GNPTAB: variants seen among roughly 807,000 people sequenced by gnomAD.
The protein encoded by GNPTAB is N-acetylglucosamine-1-phosphate transferase subunits alpha and beta, also known as N-acetylglucosamine-1-phosphotransferase subunits alpha/beta.
In GNPTAB, 92 loss-of-function variants were observed where a neutral mutation model predicts 136.6. The ratio of observed to expected loss-of-function variants is 0.67; its 90% CI spans 0.57 to 0.80. The LOEUF (loss-of-function observed/expected upper bound fraction) is 0.80, where lower values mean the gene tolerates loss of function less well. Among genes scored for constraint, GNPTAB ranks in the 30% least tolerant of loss-of-function variants. GNPTAB has a pLI of 0.00. For synonymous variants in GNPTAB, 512 were observed against 535.1 expected (o/e 0.96, Z 0.60); for missense variants, 1,343 against 1,501.8 (o/e 0.89, Z 1.75).
intron 1 of GNPTAB, among the ~76,000 whole-genome samples, chr12:101,810,134 C>G (rs1380427886): frequency 2.0e-5 from 3 of 151,936 alleles, no homozygotes; most frequent in Non-Finnish European, 4.4e-5. Flanking sequence ...GTACACCCAG[C>G]TACTTGGGAG....
chr12:101,808,521 G>A lies in GNPTAB; in HGVS notation c.118-11759C>T, dbSNP rs375717052. 1.9e-3 allele frequency among the ~76,000 whole-genome samples: 296 copies of A among 152,144 alleles called. 6 individuals carry two copies. The highest frequency in any genetic ancestry group is 6.9e-3 in the African/African-American group (286 of 41,514). On this transcript the variant is annotated intron_variant, in intron 1 of 20. Coordinates refer to ENST00000299314, the MANE Select transcript of GNPTAB (RefSeq NM_024312.5). ...CACGCCACTGCACTCCAGCCTGGAT[G>A]ACAGAGCAAGACTCCGTCTCCAAAA...
intron 1 of GNPTAB, among the ~76,000 whole-genome samples, chr12:101,802,154 T>C (rs1332900766): frequency 7.2e-6 from 1 of 138,070 alleles, no homozygotes; most frequent in African/African-American, 2.8e-5. Flanking sequence ...GCCATGATTG[T>C]ACCAGTACAC....
At chr12:101,809,930 T>C (rs1009828500) in intron 1 of GNPTAB, among the ~76,000 whole-genome samples, 2 of 152,186 alleles carry the variant, frequency 1.3e-5, no homozygotes, top group Non-Finnish European at 2.9e-5. Flanking sequence ...ATAAAAAATC[T>C]ATCAATATTG....
intron 7 of GNPTAB, among the ~76,000 whole-genome samples, chr12:101,776,351 G>A (rs1470152511): frequency 6.6e-6 from 1 of 152,176 alleles, no homozygotes; most frequent in Non-Finnish European, 1.5e-5. Flanking sequence ...GCTGAATTCT[G>A]TGTCCGTCAT....
intron 1 of GNPTAB, among the ~76,000 whole-genome samples, chr12:101,804,320 G>A (rs1353348937): frequency 6.6e-6 from 1 of 151,406 alleles, no homozygotes; most frequent in Admixed American, 6.6e-5. Flanking sequence ...ATCACACTTG[G>A]CTAAAAGGAA....
At chr12:101,754,319 C>G (rs148721778) in intron 18 of GNPTAB, among the ~76,000 whole-genome samples, 3 of 151,824 alleles carry the variant, frequency 2.0e-5, no homozygotes, top group Admixed American at 6.6e-5. Flanking sequence ...CCCAGCTACT[C>G]GAGAGGCTGA....
At chr12:101,822,684 C>T (rs1327848586) in intron 1 of GNPTAB, among the ~76,000 whole-genome samples, 1 of 152,180 alleles carries the variant, frequency 6.6e-6, no homozygotes, top group Non-Finnish European at 1.5e-5. Context: ...GGAACTTAGG[C>T]TTTAAGTTCT....
At chr12:101,820,742 A>G (rs1870748595) in intron 1 of GNPTAB, among the ~76,000 whole-genome samples, 1 of 152,122 alleles carries the variant, frequency 6.6e-6, no homozygotes, top group South Asian at 2.1e-4. Flanking sequence ...TCTACGGTTG[A>G]ACTCAAACAG....
chr12:101,753,039 G>A (rs1268587856), intron 19 of GNPTAB, among the ~76,000 whole-genome samples: 1 of 152,082 alleles, frequency 6.6e-6, no homozygotes, highest in Non-Finnish European at 1.5e-5. Context: ...GATCACCTGA[G>A]GTCAGGAGTT....
chr12:101,751,241 G>C (rs948626738), intron 19 of GNPTAB, among the ~76,000 whole-genome samples: 7 of 152,266 alleles, frequency 4.6e-5, no homozygotes, highest in African/African-American at 1.7e-4. Context: ...TTCTTACATG[G>C]AAGTGTCATT....
At chr12:101,794,094 T>C (rs1869144747) in intron 2 of GNPTAB, among the ~76,000 whole-genome samples, 1 of 152,264 alleles carries the variant, frequency 6.6e-6, no homozygotes, top group African/African-American at 2.4e-5. Flanking sequence ...GTGCCCACCT[T>C]GGCCTCCCAA....
intron 13 of GNPTAB, among the ~76,000 whole-genome samples, chr12:101,762,352 T>C (rs1242295094): frequency 1.3e-5 from 2 of 152,234 alleles, no homozygotes; most frequent in Non-Finnish European, 2.9e-5. Context: ...AGGAGACTGA[T>C]ATTAACTGGT....
intron 5 of GNPTAB, among the ~76,000 whole-genome samples, chr12:101,781,169 TG>T (rs1304036831): frequency 6.6e-6 from 1 of 152,110 alleles, no homozygotes; most frequent in African/African-American, 2.4e-5. Context: ...CAGTAGGGAT[TG>T]GGGGTGACAC....
chr12:101,814,280 C>T (rs1442202456), intron 1 of GNPTAB, among the ~76,000 whole-genome samples: 3 of 151,286 alleles, frequency 2.0e-5, no homozygotes, highest in East Asian at 1.9e-4. Flanking sequence ...GCCTGGGCAA[C>T]GAGACTAAAA....
At chr12:101,797,925 C>T (rs1869391214) in intron 1 of GNPTAB, among the ~76,000 whole-genome samples, 1 of 152,148 alleles carries the variant, frequency 6.6e-6, no homozygotes, top group African/African-American at 2.4e-5. Flanking sequence ...CTCTCTTTTC[C>T]TTTCAGTAGG....
At chr12:101,796,065 G>C in intron 2 of GNPTAB, 2 of 584,834 alleles carry the variant, frequency 3.4e-6, no homozygotes, top group Non-Finnish European at 6.1e-6. Context: ...GAGGTATGAG[G>C]CTATTTGCTC....
chr12:101,784,148 C>CGAG (rs1467402982), intron 5 of GNPTAB, among the ~76,000 whole-genome samples: 5 of 152,310 alleles, frequency 3.3e-5, no homozygotes, highest in Non-Finnish European at 5.9e-5. Context: ...AACTCCTGTG[C>CGAG]AATCAAAACC....
chr12:101,745,895 T>G lies in GNPTAB; in HGVS notation c.*1269A>C, dbSNP rs1425131911. On this transcript the variant is annotated 3_prime_UTR_variant, in exon 21 of 21. Coordinates refer to ENST00000299314, the MANE Select transcript of GNPTAB (RefSeq NM_024312.5). ...ACTAAAAATACAAAAATTAGCAGGG[T>G]GTGGTGGCATGCACCTGTAGTCCCA... The G allele has an allele frequency of 6.6e-6, 1 of 152,150 alleles. No homozygotes were observed. Among genetic ancestry groups the G allele is most frequent in the African/African-American group, 2.4e-5 (1 of 41,382 alleles). 9.4% of individuals were successfully genotyped at this position (152,150 alleles called of 1,614,324 possible). A position where few individuals can be genotyped will look rare whatever the true frequency, so the allele number is the denominator to read the frequency against.
chr12:101,808,468 G>A (rs1480917088), intron 1 of GNPTAB, among the ~76,000 whole-genome samples: 2 of 151,970 alleles, frequency 1.3e-5, no homozygotes, highest in Admixed American at 6.6e-5. Context: ...CTTGAACTCA[G>A]GAGGTGGAGG....
Sources: allele counts gnomAD v4.1 joint callset (sites outside exome capture counted in the v4.1 genomes callset), GRCh38; gene constraint gnomAD v4.1.1; transcripts MANE v1.5; gene names NCBI Gene and HGNC (gene_info 2026-07-23, HGNC 2026-07-21).